The following TANGO6 variants were observed in gnomAD, a reference collection of about 807,000 sequenced individuals.
TANGO6 encodes the protein transport and Golgi organization protein 6 homolog.
TANGO6 carries 90 observed loss-of-function variants against 114.2 expected under a neutral mutation model. The observed-to-expected ratio is 0.79, with a 90% confidence interval of 0.66 to 0.94. The LOEUF (loss-of-function observed/expected upper bound fraction) is 0.94. Ranked by LOEUF, TANGO6 falls within the 40% of genes least tolerant of loss-of-function variation. TANGO6 has a pLI of 0.00. For missense variants in TANGO6, 1,274 were observed against 1,315.3 expected (o/e 0.97, Z 0.49); for synonymous variants, 477 against 509.8 (o/e 0.94, Z 0.87).
chr16:69,070,257 C>A (rs981736652), intron 17 of TANGO6, among the ~76,000 whole-genome samples: 2 of 151,886 alleles, frequency 1.3e-5, no homozygotes, highest in East Asian at 1.9e-4. Flanking sequence ...AATAGCTACT[C>A]CATAGACAGA....
At position 69,000,689 on chromosome 16, in the gene TANGO6, T is replaced by C. The variant is rs144762518; in HGVS notation, c.2843-22139T>C. 4.7e-3 allele frequency among the ~76,000 whole-genome samples: 710 copies of C among 152,274 alleles called. 3 individuals are homozygous for C. The highest frequency in any genetic ancestry group is 0.019 in the South Asian group (91 of 4,816). On this transcript the variant is annotated intron_variant, in intron 15 of 17. Transcript: ENST00000261778. ...TCACTGCAACCTCTGCCTCCCACGT[T>C]CAGGCAATACTCCTGCCTCAGCCTC...
At chr16:69,020,890 TTATA>T (rs1052270939) in intron 15 of TANGO6, among the ~76,000 whole-genome samples, 7 of 128,072 alleles carry the variant, frequency 5.5e-5, no homozygotes, top group African/African-American at 2.2e-4. Context: ...CACCCCCCCT[TTATA>T]TATGTATGTA....
chr16:68,914,467 G>A, intron 11 of TANGO6, among the ~76,000 whole-genome samples: 1 of 152,132 alleles, frequency 6.6e-6, no homozygotes, highest in Non-Finnish European at 1.5e-5. Flanking sequence ...TGGACTTAAT[G>A]TTATTAACAA....
chr16:68,896,718 T>C (rs1298822166), intron 7 of TANGO6, among the ~76,000 whole-genome samples: 1 of 152,128 alleles, frequency 6.6e-6, no homozygotes, highest in Non-Finnish European at 1.5e-5. Context: ...AGGTGGCAAT[T>C]GTGTATAGAT....
intron 7 of TANGO6, among the ~76,000 whole-genome samples, chr16:68,881,704 TTCATAGAAAA>T (rs1435352827): frequency 6.6e-6 from 1 of 152,206 alleles, no homozygotes; most frequent in African/African-American, 2.4e-5. Flanking sequence ...TGCTTTTCTA[TTCATAGAAAA>T]AAAGTGAATG....
chr16:69,061,006 A>G (rs1477818253), intron 17 of TANGO6, among the ~76,000 whole-genome samples: 1 of 152,024 alleles, frequency 6.6e-6, no homozygotes, highest in African/African-American at 2.4e-5. Context: ...AAAACAAAAA[A>G]AACAAAAAAA....
At chr16:69,046,063 CAAA>C (rs61017260) in intron 17 of TANGO6, among the ~76,000 whole-genome samples, 6 of 95,946 alleles carry the variant, frequency 6.3e-5, no homozygotes, top group Non-Finnish European at 7.8e-5. Flanking sequence ...GACTCCAACT[CAAA>C]AAAAAAAAAA....
chr16:68,854,912 A>C (rs1054468242), intron 1 of TANGO6, among the ~76,000 whole-genome samples: 1 of 152,012 alleles, frequency 6.6e-6, no homozygotes, highest in African/African-American at 2.4e-5. Flanking sequence ...TAAATTTTTT[A>C]ATCAGTTTGT....
chr16:68,887,666 C>T (rs150881921), intron 7 of TANGO6, among the ~76,000 whole-genome samples: 1 of 152,258 alleles, frequency 6.6e-6, no homozygotes, highest in African/African-American at 2.4e-5. Context: ...CACTTGAGGT[C>T]AGGAGGTCGA....
At chr16:68,870,610 T>C (rs1962251696) in intron 4 of TANGO6, among the ~76,000 whole-genome samples, 1 of 152,184 alleles carries the variant, frequency 6.6e-6, no homozygotes, top group Admixed American at 6.6e-5. Flanking sequence ...TGTGCATGTA[T>C]ATATTTGTTG....
chr16:68,887,925 C>T (rs1050364989), intron 7 of TANGO6, among the ~76,000 whole-genome samples: 1 of 151,994 alleles, frequency 6.6e-6, no homozygotes, highest in African/African-American at 2.4e-5. Context: ...ACCCTCAATG[C>T]TCTGAATGAA....
Position 68,875,138 on chromosome 16 carries a change from C to G in TANGO6, c.995-16C>G. ...GAATTGCTGTGAGCTGCTAACATCT[C>G]TCTCCATTGTGCCAGCGGGAGCAGC... On this transcript the variant is annotated splice_polypyrimidine_tract_variant and intron_variant, in intron 4 of 17. Transcript: ENST00000261778. 6.2e-7 allele frequency: 1 copy of G among 1,609,138 alleles called. No homozygotes were observed. Among genetic ancestry groups the G allele is most frequent in the Non-Finnish European group, 8.5e-7 (1 of 1,176,270 alleles).
At chr16:68,848,667 T>C (rs942801753) in intron 1 of TANGO6, among the ~76,000 whole-genome samples, 11 of 152,148 alleles carry the variant, frequency 7.2e-5, no homozygotes, top group African/African-American at 2.7e-4. Flanking sequence ...TATTTTAATA[T>C]AGTTAGAATC....
intron 14 of TANGO6, among the ~76,000 whole-genome samples, chr16:68,931,036 T>G (rs1963233381): frequency 1.3e-5 from 2 of 152,240 alleles, no homozygotes; most frequent in African/African-American, 4.8e-5. Flanking sequence ...GTAACTTTAT[T>G]TCTCTTTTTA....
At chr16:69,011,251 A>AG (rs34785494) in intron 15 of TANGO6, among the ~76,000 whole-genome samples, 6 of 152,112 alleles carry the variant, frequency 3.9e-5, no homozygotes, top group South Asian at 2.1e-4. Context: ...CAAAAAGAAA[A>AG]GGGGGGGCAG....
chr16:68,925,327 G>A (rs1372594084), intron 12 of TANGO6, among the ~76,000 whole-genome samples: 4 of 151,988 alleles, frequency 2.6e-5, no homozygotes, highest in African/African-American at 7.2e-5. Flanking sequence ...AGAAAAAATT[G>A]CAATTCCCTA....
At chr16:68,948,642 C>T (rs577761112) in intron 14 of TANGO6, among the ~76,000 whole-genome samples, 1 of 152,216 alleles carries the variant, frequency 6.6e-6, no homozygotes, top group African/African-American at 2.4e-5. Flanking sequence ...TATATATCAA[C>T]CCTGTTTATA....
intron 15 of TANGO6, among the ~76,000 whole-genome samples, chr16:68,986,709 T>C (rs1963894847): frequency 6.6e-6 from 1 of 152,006 alleles, no homozygotes; most frequent in Non-Finnish European, 1.5e-5. Flanking sequence ...GTTCAAGACC[T>C]GCCTGGCCAA....
chr16:68,878,326 C>T (rs1438757843), intron 6 of TANGO6, 46 bp downstream of exon 6: 2 of 1,542,316 alleles, frequency 1.3e-6, no homozygotes, highest in Non-Finnish European at 1.7e-6. Flanking sequence ...AAAGGACCTT[C>T]TTCAGTATTT....
Sources: allele counts gnomAD v4.1 joint callset (sites outside exome capture counted in the v4.1 genomes callset), GRCh38; gene constraint gnomAD v4.1.1; transcripts MANE v1.5; gene names NCBI Gene and HGNC (gene_info 2026-07-23, HGNC 2026-07-21).